EPS8: variants seen among roughly 807,000 people sequenced by gnomAD.
The protein encoded by EPS8 is epidermal growth factor receptor kinase substrate 8.
Under a neutral mutation model 103.8 loss-of-function variants are expected in EPS8, and 42 were observed. The ratio of observed to expected loss-of-function variants is 0.40; its 90% CI spans 0.32 to 0.52. The LOEUF (loss-of-function observed/expected upper bound fraction) is 0.52. EPS8 is among the 20% of genes least tolerant of loss of function. The probability of loss-of-function intolerance (pLI) is 0.40; values close to 1 mark genes in which losing one functional copy is unlikely to be tolerated. For missense variants in EPS8, 969 were observed against 1,005.1 expected, an observed-to-expected ratio of 0.96 and a Z score of 0.49; for synonymous variants, 344 against 344.6, an observed-to-expected ratio of 1.00 and a Z score of 0.02.
At chr12:15,649,830 AT>A (rs1303390339) in intron 14 of EPS8, among the ~76,000 whole-genome samples, 2 of 152,344 alleles carry the variant, frequency 1.3e-5, no homozygotes, top group East Asian at 3.9e-4. Flanking sequence ...TTGACAATTC[AT>A]TCCCTCATAA....
At chr12:15,711,372 G>GT (rs1946461415) in intron 1 of EPS8, among the ~76,000 whole-genome samples, 1 of 152,104 alleles carries the variant, frequency 6.6e-6, no homozygotes, top group Non-Finnish European at 1.5e-5. Flanking sequence ...ACTAAGCAGC[G>GT]TATCTCCTCC....
rs905732937 is a variant in EPS8 at position 15,685,387 on chromosome 12, G to T, written c.-21-2415C>A. On this transcript the variant is annotated intron_variant, in intron 1 of 20. Coordinates refer to ENST00000281172, the MANE Select transcript of EPS8 (RefSeq NM_004447.6). ...AAAAAAAAAGAAGTGTTCTTTCAAAGCAAGCTGGTTCATTCAGTATATAAA... is the reference window on the plus strand; with the variant it reads ...AAAAAAAAAGAAGTGTTCTTTCAAATCAAGCTGGTTCATTCAGTATATAAA... 5.3e-5 allele frequency among the ~76,000 whole-genome samples: 8 copies of T among 152,120 alleles called. No homozygotes were observed. In the East Asian group the frequency reaches 1.3e-3, roughly 26 times the overall value.
At chr12:15,658,005 A>T in intron 12 of EPS8, 74 bp downstream of exon 12, 1 of 871,514 alleles carries the variant, frequency 1.1e-6, no homozygotes. Flanking sequence ...AAAGCAGTCT[A>T]GATAATCCAG....
rs942098481 is a variant in EPS8 at position 15,730,248 on chromosome 12, T to A, written c.-21-47276A>T. ...ATTCAGCTAACTTATGAAATAGGTA[T>A]GATAATCATGATTTTACAACAGAAG... On this transcript the variant is annotated intron_variant, in intron 1 of 20. Coordinates refer to ENST00000281172, the MANE Select transcript of EPS8 (RefSeq NM_004447.6). Among the ~76,000 whole-genome samples, 17 of 152,170 alleles carry A rather than the reference T, an allele frequency of 1.1e-4. No homozygotes were observed. In the South Asian group the frequency reaches 1.4e-3, roughly 13 times the overall value.
At position 15,747,429 on chromosome 12, in the gene EPS8, T is replaced by C. The variant is rs1946886225; in HGVS notation, c.-22+41732A>G. On this transcript the variant is annotated intron_variant, in intron 1 of 20. Transcript: ENST00000281172. The surrounding 1 kb of genome is among the most constrained non-coding windows in gnomAD (Gnocchi z 4.4). ...ACCCAATCTGTTTTTCAAACCAAAA[T>C]GCACTATTTTAGGAGCAGCTGGTTA... Among the ~76,000 whole-genome samples, 1 of 152,186 alleles carries C rather than the reference T, an allele frequency of 6.6e-6. No individual in the cohort carries two copies. The highest frequency in any genetic ancestry group is 6.5e-5 in the Admixed American group (1 of 15,276).
Position 15,734,801 on chromosome 12 carries a change from C to T in EPS8, c.-21-51829G>A, listed in dbSNP as rs547557131. Among the ~76,000 whole-genome samples the T allele has an allele frequency of 1.2e-4, 19 of 152,266 alleles. No individual in the cohort carries two copies. Among genetic ancestry groups the T allele is most frequent in the African/African-American group, 4.3e-4 (18 of 41,566 alleles). The stretch of plus-strand genomic sequence containing the variant: ...CCATTTAACTCACTGTGACACTTCA[C>T]GATATTAATACTTCTACCTTACATT... On this transcript the variant is annotated intron_variant, in intron 1 of 20. Coordinates refer to ENST00000281172, the MANE Select transcript of EPS8 (RefSeq NM_004447.6). The surrounding 1 kb of genome is among the most constrained non-coding windows in gnomAD (Gnocchi z 4.1).
chr12:15,627,297 C>T lies in EPS8; in HGVS notation c.2045-2890G>A, dbSNP rs538301492. The stretch of plus-strand genomic sequence containing the variant: ...GGGATTACAGGCATGAGCCACCGCG[C>T]CCAGCCAACTTAATCGTTTTTTAAC... On this transcript the variant is annotated intron_variant, in intron 18 of 20. Coordinates refer to ENST00000281172, the MANE Select transcript of EPS8 (RefSeq NM_004447.6). Among the ~76,000 whole-genome samples the T allele has an allele frequency of 1.0e-3, 155 of 152,270 alleles. 1 individual carries two copies. Among genetic ancestry groups the T allele is most frequent in the African/African-American group, 3.5e-3 (147 of 41,526 alleles).
At chr12:15,648,153 T>C (rs1272129335) in intron 14 of EPS8, among the ~76,000 whole-genome samples, 3 of 152,208 alleles carry the variant, frequency 2.0e-5, no homozygotes, top group Admixed American at 2.0e-4. Context: ...CACGCACTAG[T>C]ACTGGTCCAC....
chr12:15,765,686 A>G (rs1947086018), intron 1 of EPS8, among the ~76,000 whole-genome samples: 2 of 152,216 alleles, frequency 1.3e-5, no homozygotes, highest in Non-Finnish European at 2.9e-5. Context: ...GTAGTAAATT[A>G]GTGTTACAAA....
chr12:15,645,423 TTAA>T (rs1945303839), intron 15 of EPS8, among the ~76,000 whole-genome samples: 1 of 2,788 alleles, frequency 3.6e-4, no homozygotes, highest in Admixed American at 0.016. Flanking sequence ...ATCTTCCCTC[TTAA>T]CTTCTTAATT....
chr12:15,770,131 G>A (rs1344850656), intron 1 of EPS8, among the ~76,000 whole-genome samples: 2 of 151,096 alleles, frequency 1.3e-5, no homozygotes, highest in Non-Finnish European at 3.0e-5. Context: ...TAGAGATAGG[G>A]TTTTGTCATG....
At chr12:15,651,095 C>T (rs989235406) in intron 13 of EPS8, 89 bp from the exon 14 acceptor site, 11 of 971,790 alleles carry the variant, frequency 1.1e-5, no homozygotes, top group Admixed American at 4.6e-5. Context: ...GACATACACA[C>T]GCACACACAC....
Position 15,621,293 on chromosome 12 carries a change from G to T in EPS8, c.*24C>A. ...ATGTTGGAATAATGCCAAAAACAAT[G>T]GAGTTTAAATACAAACAAACAAATT... On this transcript the variant is annotated 3_prime_UTR_variant, in exon 21 of 21. Transcript: ENST00000281172. The T allele has an allele frequency of 8.1e-7, 1 of 1,236,062 alleles. No individual in the cohort carries two copies. 76.6% of individuals were successfully genotyped at this position (1,236,062 alleles called of 1,614,324 possible). A position where few individuals can be genotyped will look rare whatever the true frequency, so the allele number is the denominator to read the frequency against.
chr12:15,786,499 C>A (rs1591943394), intron 1 of EPS8, among the ~76,000 whole-genome samples: 2 of 151,906 alleles, frequency 1.3e-5, no homozygotes, highest in East Asian at 3.9e-4. Context: ...CTAAGGAAAT[C>A]TAAATAAAGT....
At chr12:15,635,010 A>T (rs1230948478) in intron 17 of EPS8, among the ~76,000 whole-genome samples, 1 of 152,178 alleles carries the variant, frequency 6.6e-6, no homozygotes, top group Admixed American at 6.5e-5. Flanking sequence ...GTACTTCAAC[A>T]GTAACTATTT....
At position 15,662,062 on chromosome 12, in the gene EPS8, T is replaced by C; in HGVS notation, c.774A>G (p.Thr258=). ...CAATGCGGGCTGCCATCATCTCAGG[T>C]GTTTCTTCCTGCTCATGATACTGCC... ...KPRQYHEQEE[T]PEMMAARIDR... is the part of the protein sequence containing the mutation. The change falls in exon 9 of 21, where the codon ACA becomes ACG. Residue 258 remains threonine, a synonymous_variant. Transcript: ENST00000281172. 1 of 1,613,958 alleles carries C rather than the reference T, an allele frequency of 6.2e-7. No individual in the cohort carries two copies. Among genetic ancestry groups the C allele is most frequent in the Non-Finnish European group, 8.5e-7 (1 of 1,179,830 alleles).
rs888935003 is a variant in EPS8, at chr12:15,787,876, C to T, written c.-22+1285G>A. 5.9e-5 allele frequency: 9 copies of T among 152,122 alleles called. No individual in the cohort carries two copies. The highest frequency in any genetic ancestry group is 2.9e-5 in the Non-Finnish European group (2 of 68,012). The allele number at this position is 152,122 out of a possible 1,614,324, so 9.4% of individuals were successfully genotyped here. A position where few individuals can be genotyped will look rare whatever the true frequency, so the allele number is the denominator to read the frequency against. On this transcript the variant is annotated intron_variant, in intron 1 of 20. Coordinates refer to ENST00000281172, the MANE Select transcript of EPS8 (RefSeq NM_004447.6). This position sits in a 1 kb window ranked among gnomAD's most constrained non-coding sequence, Gnocchi z 4.9. ...CACACCAGCAACTTAAGAACTACAG[C>T]AATATGTTTAGAAAACTGCGATCCC...
chr12:15,703,018 G>A (rs1332796459), intron 1 of EPS8, among the ~76,000 whole-genome samples: 5 of 152,154 alleles, frequency 3.3e-5, no homozygotes, highest in Admixed American at 6.5e-5. Flanking sequence ...GTGCAGTGGC[G>A]TGTGCCTGTA....
At chr12:15,765,669 G>T (rs1189350089) in intron 1 of EPS8, among the ~76,000 whole-genome samples, 2 of 152,070 alleles carry the variant, frequency 1.3e-5, no homozygotes, top group Admixed American at 6.6e-5. Flanking sequence ...CTTCAGAAAA[G>T]TAAACTGTAG....
Sources: gnomAD v4.1 joint callset for allele counts (sites outside exome capture counted in the v4.1 genomes callset) on GRCh38, gnomAD v4.1.1 for gene constraint, Gnocchi (gnomAD v3.1) non-coding constraint, MANE v1.5 for transcripts, NCBI Gene and HGNC (gene_info 2026-07-23, HGNC 2026-07-21) for gene names.